The following ADGRB3 variants were observed in gnomAD, a reference collection of about 807,000 sequenced individuals.
ADGRB3 encodes the protein adhesion G protein-coupled receptor B3.
Under a neutral mutation model 193.4 loss-of-function variants are expected in ADGRB3, and 37 were observed. The ratio of observed to expected loss-of-function variants is 0.19; its 90% CI spans 0.15 to 0.25. The LOEUF is 0.25. ADGRB3 is among the 10% of genes least tolerant of loss of function. The pLI, the probability that ADGRB3 is intolerant of heterozygous loss-of-function variation, is 1.00. For synonymous variants in ADGRB3, 690 were observed against 644.2 expected, an observed-to-expected ratio of 1.07 and a Z score of -1.08; for missense variants, 1,637 against 1,852.9, an observed-to-expected ratio of 0.88 and a Z score of 2.14.
At chr6:68,699,246 T>C (rs1765203455) in intron 3 of ADGRB3, among the ~76,000 whole-genome samples, 2 of 152,210 alleles carry the variant, frequency 1.3e-5, no homozygotes, top group South Asian at 4.1e-4. Flanking sequence ...TTTGACCAGA[T>C]GGGTGCATCT....
At chr6:69,382,261 C>T (rs2127238643) in intron 30 of ADGRB3, among the ~76,000 whole-genome samples, 1 of 151,906 alleles carries the variant, frequency 6.6e-6, no homozygotes, top group African/African-American at 2.4e-5. Context: ...CAGATTTTCC[C>T]CCTAAGAAGC....
At chr6:68,979,909 C>T (rs1215324565) in intron 10 of ADGRB3, among the ~76,000 whole-genome samples, 1 of 151,340 alleles carries the variant, frequency 6.6e-6, no homozygotes, top group Non-Finnish European at 1.5e-5. Context: ...AAACACACAC[C>T]TGGGGAGACA....
At chr6:69,024,569 G>T (rs1363805362) in intron 13 of ADGRB3, among the ~76,000 whole-genome samples, 3 of 152,122 alleles carry the variant, frequency 2.0e-5, no homozygotes, top group Non-Finnish European at 2.9e-5. Flanking sequence ...AATAAGAAGG[G>T]AATGGTTTTA....
rs138219857 is a variant in ADGRB3, at chr6:68,801,454, G to C, written c.758-129105G>C. On this transcript the variant is annotated intron_variant, in intron 3 of 31. Coordinates refer to ENST00000370598, the MANE Select transcript of ADGRB3 (RefSeq NM_001704.3). Reference sequence around the variant, plus strand: ...TGTAATCCCAGCACTATGGGAGGCCGAGGTGGGCAGATCACTTGAGGTCAG... The same window carrying C: ...TGTAATCCCAGCACTATGGGAGGCCCAGGTGGGCAGATCACTTGAGGTCAG... 6.7e-4 allele frequency among the ~76,000 whole-genome samples: 102 copies of C among 152,224 alleles called. 1 individual carries two copies. In the East Asian group the frequency reaches 0.019, roughly 29 times the overall value.
At chr6:69,332,068 G>A in intron 23 of ADGRB3, 2 of 985,298 alleles carry the variant, frequency 2.0e-6, no homozygotes, top group Non-Finnish European at 2.4e-6. Flanking sequence ...AGGCCAGAAA[G>A]GCAAAAAGAA....
chr6:69,304,737 G>T (rs1768028724), intron 20 of ADGRB3, among the ~76,000 whole-genome samples: 2 of 151,536 alleles, frequency 1.3e-5, no homozygotes, highest in South Asian at 4.1e-4. Flanking sequence ...TGTCTTCAGA[G>T]ACATAACCTT....
At chr6:69,121,315 G>A (rs1010810345) in intron 17 of ADGRB3, among the ~76,000 whole-genome samples, 1 of 152,124 alleles carries the variant, frequency 6.6e-6, no homozygotes, top group African/African-American at 2.4e-5. Context: ...GAGAGCACGG[G>A]GTTGGGGGTA....
chr6:68,817,633 G>T (rs140543595), intron 3 of ADGRB3, among the ~76,000 whole-genome samples: 1 of 151,726 alleles, frequency 6.6e-6, no homozygotes, highest in African/African-American at 2.4e-5. Flanking sequence ...AAGCAGTCTT[G>T]TAATAATCTG....
intron 3 of ADGRB3, among the ~76,000 whole-genome samples, chr6:68,746,297 T>C (rs1381285904): frequency 3.3e-5 from 5 of 152,044 alleles, no homozygotes; most frequent in Admixed American, 2.0e-4. Flanking sequence ...TTTCTTATGT[T>C]CATAGGTGAT....
chr6:68,951,013 C>A (rs1582341631), intron 6 of ADGRB3, among the ~76,000 whole-genome samples: 1 of 152,286 alleles, frequency 6.6e-6, no homozygotes, highest in African/African-American at 2.4e-5. Flanking sequence ...GAACCCATCT[C>A]TTTCCACCTC....
rs529630605 is a variant in ADGRB3 at position 68,910,842 on chromosome 6, T to G, written c.758-19717T>G. 4.6e-5 allele frequency among the ~76,000 whole-genome samples: 7 copies of G among 152,340 alleles called. No individual in the cohort carries two copies. The South Asian group carries it at 1.4e-3, about 32-fold the overall frequency. The stretch of plus-strand genomic sequence containing the variant: ...TATAGTTTGAAGTCAAGTAGCGTGA[T>G]GCCTCCAGCTTTGTTCTTTTGGCTT... On this transcript the variant is annotated intron_variant, in intron 3 of 31. Transcript: ENST00000370598.
At chr6:68,765,190 A>G (rs930722683) in intron 3 of ADGRB3, among the ~76,000 whole-genome samples, 3 of 152,048 alleles carry the variant, frequency 2.0e-5, no homozygotes, top group Non-Finnish European at 4.4e-5. Context: ...TTTTGCCCTC[A>G]TTGGACCTCT....
intron 17 of ADGRB3, among the ~76,000 whole-genome samples, chr6:69,112,710 A>G (rs1773402334): frequency 6.6e-6 from 1 of 152,214 alleles, no homozygotes. Flanking sequence ...ATATAGTATG[A>G]CTATTTACAT....
intron 20 of ADGRB3, among the ~76,000 whole-genome samples, chr6:69,312,356 G>A (rs987648913): frequency 2.6e-5 from 4 of 151,774 alleles, no homozygotes; most frequent in Non-Finnish European, 5.9e-5. Flanking sequence ...GAGAAAGGCA[G>A]AGTTCATTTT....
chr6:69,351,535 G>T (rs1203142211), intron 26 of ADGRB3, among the ~76,000 whole-genome samples: 1 of 152,178 alleles, frequency 6.6e-6, no homozygotes, highest in African/African-American at 2.4e-5. Context: ...TGTGACATAT[G>T]ACCATTAAAA....
chr6:69,081,844 C>T (rs1197587519), intron 17 of ADGRB3, among the ~76,000 whole-genome samples: 3 of 152,026 alleles, frequency 2.0e-5, no homozygotes, highest in Admixed American at 1.3e-4. Flanking sequence ...TTATTAGCAA[C>T]CCATTATGTC....
At chr6:69,179,207 T>C (rs1013974536) in intron 17 of ADGRB3, among the ~76,000 whole-genome samples, 3 of 152,222 alleles carry the variant, frequency 2.0e-5, no homozygotes, top group Admixed American at 6.5e-5. Context: ...TCTCTATTTT[T>C]ATCTGACTGG....
chr6:68,665,547 G>A (rs1768779400), intron 3 of ADGRB3, among the ~76,000 whole-genome samples: 1 of 151,768 alleles, frequency 6.6e-6, no homozygotes, highest in Non-Finnish European at 1.5e-5. Flanking sequence ...ACAGAGCTCT[G>A]TTGGGGTTTA....
intron 13 of ADGRB3, among the ~76,000 whole-genome samples, chr6:69,037,689 C>T (rs1770914288): frequency 6.6e-6 from 1 of 152,022 alleles, no homozygotes; most frequent in African/African-American, 2.4e-5. Context: ...TTCTGTCTCT[C>T]ACCATTTATT....
Sources: allele counts gnomAD v4.1 joint callset (sites outside exome capture counted in the v4.1 genomes callset), GRCh38; gene constraint gnomAD v4.1.1; transcripts MANE v1.5; gene names NCBI Gene and HGNC (gene_info 2026-07-23, HGNC 2026-07-21).